The following TMOD3 variants were observed in gnomAD, a reference collection of about 807,000 sequenced individuals.
TMOD3 encodes tropomodulin-3.
A neutral mutation model predicts 39.2 loss-of-function variants in TMOD3; 20 were observed. The ratio of observed to expected loss-of-function variants is 0.51; its 90% confidence interval spans 0.36 to 0.74. The LOEUF (loss-of-function observed/expected upper bound fraction) is 0.74. TMOD3 is among the 30% of genes least tolerant of loss of function. The pLI is 0.00. For synonymous variants in TMOD3, 143 were observed against 145.8 expected (o/e 0.98, Z 0.14); for missense variants, 381 against 412.8 (o/e 0.92, Z 0.67).
chr15:51,899,425 G>T (rs150291574), intron 7 of TMOD3, among the ~76,000 whole-genome samples: 2,341 of 152,284 alleles, frequency 0.015, 85 homozygotes, highest in Admixed American at 0.075. Flanking sequence ...CAGCACTTGG[G>T]GAAGCCGAGG....
chr15:51,908,867 G>A lies in TMOD3; in HGVS notation c.*57G>A. The A allele has an allele frequency of 6.9e-7, 1 of 1,455,254 alleles. No individual in the cohort carries two copies. Among genetic ancestry groups the A allele is most frequent in the Non-Finnish European group, 9.3e-7 (1 of 1,079,416 alleles). 90.1% of individuals were successfully genotyped at this position (1,455,254 alleles called of 1,614,324 possible). A position where few individuals can be genotyped will look rare whatever the true frequency, so the allele number is the denominator to read the frequency against. On this transcript the variant is annotated 3_prime_UTR_variant, in exon 10 of 10. Transcript: ENST00000308580. ...AGAAGATCACCAAGGGCTCATGTTG[G>A]TGACATCATGTAAAATTTTCCTGGG...
chr15:51,841,015 T>TAAA (rs780662276), intron 1 of TMOD3, among the ~76,000 whole-genome samples: 1 of 152,254 alleles, frequency 6.6e-6, no homozygotes, highest in Non-Finnish European at 1.5e-5. Context: ...GTATGGCTTT[T>TAAA]AGGGTCAGGT....
rs927989831 is a variant in TMOD3 at position 51,893,841 on chromosome 15, C to T, written c.523C>T (p.Pro175Ser). 6.2e-7 allele frequency: 1 copy of T among 1,606,802 alleles called. No individual in the cohort carries two copies. Among genetic ancestry groups the T allele is most frequent in the Non-Finnish European group, 8.5e-7 (1 of 1,175,418 alleles). ...TGTGGTCAAAGGTGAAAAGATTCTT[C>T]CGGTATTTGATGAGCCACCAAATCC... is the stretch of plus-strand genomic sequence containing the variant. ...SNVVKGEKILPVFDEPPNPTN... is the reference protein window; with the variant it reads ...SNVVKGEKILSVFDEPPNPTN... Residue 175 changes from proline to serine, a missense_variant, in exon 6 of 10, where the codon CCG (proline) becomes TCG (serine). Pro to Ser is a moderately conservative substitution (Grantham distance 74). Coordinates refer to ENST00000308580, the MANE Select transcript of TMOD3 (RefSeq NM_014547.5).
intron 6 of TMOD3, among the ~76,000 whole-genome samples, chr15:51,894,990 A>C (rs891658321): frequency 6.6e-6 from 1 of 152,210 alleles, no homozygotes; most frequent in Non-Finnish European, 1.5e-5. Flanking sequence ...TTAATTACCA[A>C]AAAGTAAACT....
At chr15:51,837,517 T>C (rs2056292603) in intron 1 of TMOD3, among the ~76,000 whole-genome samples, 1 of 151,932 alleles carries the variant, frequency 6.6e-6, no homozygotes, top group Non-Finnish European at 1.5e-5. Flanking sequence ...GCAATAAATA[T>C]GTGATGATTT....
chr15:51,895,407 A>AAAAAACG (rs201107279), intron 6 of TMOD3, among the ~76,000 whole-genome samples: 1,976 of 152,034 alleles, frequency 0.013, 27 homozygotes, highest in Middle Eastern at 0.024. Context: ...TTTAGTAGAG[A>AAAAAACG]TGGGGTTTCA....
chr15:51,875,562 C>T (rs1418783400), intron 3 of TMOD3, among the ~76,000 whole-genome samples: 1 of 151,430 alleles, frequency 6.6e-6, no homozygotes, highest in Non-Finnish European at 1.5e-5. Context: ...CTGGATAGTT[C>T]CTTTCCTCCA....
intron 2 of TMOD3, among the ~76,000 whole-genome samples, chr15:51,863,786 G>A (rs997749753): frequency 6.6e-6 from 1 of 152,076 alleles, no homozygotes; most frequent in African/African-American, 2.4e-5. Flanking sequence ...TTATAACGTT[G>A]TTGTTACTGG....
At chr15:51,858,353 C>CA (rs1346048781) in intron 1 of TMOD3, 1 of 151,768 alleles carries the variant, frequency 6.6e-6, no homozygotes, top group East Asian at 1.9e-4. Flanking sequence ...TGTGCCTGGC[C>CA]AAACTTGCTA....
rs1390209152 is a variant in TMOD3, at chr15:51,900,265, T to C, written c.846T>C (p.Asn282=). ...CACTGATTGATGCGTTAAGAGATAA[T>C]GAAACCCTGGCAGAGCTCAAGATTG... The part of the protein sequence containing the change: ...ILALIDALRD[N]ETLAELKIDN... The change falls in exon 8 of 10, where the codon AAT becomes AAC. Residue 282 remains asparagine, a synonymous_variant. Coordinates refer to ENST00000308580, the MANE Select transcript of TMOD3 (RefSeq NM_014547.5). 6.2e-7 allele frequency: 1 copy of C among 1,614,198 alleles called. No individual in the cohort carries two copies.
rs1316043769 is a variant in TMOD3 at position 51,913,281 on chromosome 15, T to C, written c.*4471T>C. 2 of 152,250 alleles carry C rather than the reference T, an allele frequency of 1.3e-5. No individual in the cohort carries two copies. The highest frequency in any genetic ancestry group is 1.9e-4 in the East Asian group (1 of 5,206). The allele number at this position is 152,250 out of a possible 1,614,324, so 9.4% of individuals were successfully genotyped here. A position where few individuals can be genotyped will look rare whatever the true frequency, so the allele number is the denominator to read the frequency against. On this transcript the variant is annotated 3_prime_UTR_variant, in exon 10 of 10. Coordinates refer to ENST00000308580, the MANE Select transcript of TMOD3 (RefSeq NM_014547.5). ...GCCACCACACTCAGCCTTATTCTTA[T>C]ATTTTAATTTGGTCATTCTTAGATC...
Position 51,836,674 on chromosome 15 carries a change from G to A in TMOD3, c.-75+6838G>A, listed in dbSNP as rs144605764. Among the ~76,000 whole-genome samples the A allele has an allele frequency of 5.1e-3, 772 of 150,482 alleles. 10 individuals carry two copies. The highest frequency in any genetic ancestry group is 0.018 in the African/African-American group (746 of 40,720). On this transcript the variant is annotated intron_variant, in intron 1 of 9. Coordinates refer to ENST00000308580, the MANE Select transcript of TMOD3 (RefSeq NM_014547.5). ...TGGGAGGTGGAGGTTGCAGTGAGCC[G>A]AGATCATGTCACTGCACTCCAGCCT...
chr15:51,876,421 C>T (rs554688734), intron 3 of TMOD3, among the ~76,000 whole-genome samples: 30 of 151,722 alleles, frequency 2.0e-4, no homozygotes, highest in African/African-American at 7.0e-4. Context: ...ACCTCAGCCC[C>T]CTGAGTACCT....
chr15:51,884,589 T>C (rs1481025460), intron 3 of TMOD3: 1 of 152,186 alleles, frequency 6.6e-6, no homozygotes, highest in Non-Finnish European at 1.5e-5. Context: ...TTACAGCTAA[T>C]TGATCACAGT....
chr15:51,872,027 A>C (rs1566859705), intron 3 of TMOD3, among the ~76,000 whole-genome samples: 1 of 152,190 alleles, frequency 6.6e-6, no homozygotes, highest in African/African-American at 2.4e-5. Context: ...ACTCAAAGAA[A>C]ATGCACAGGT....
chr15:51,886,537 G>A (rs563129563), intron 3 of TMOD3, among the ~76,000 whole-genome samples: 3 of 152,220 alleles, frequency 2.0e-5, no homozygotes, highest in East Asian at 1.9e-4. Flanking sequence ...GTGGCGGTGC[G>A]CGCCCGCATT....
chr15:51,830,663 A>T (rs1352873866), intron 1 of TMOD3, among the ~76,000 whole-genome samples: 1 of 152,154 alleles, frequency 6.6e-6, no homozygotes, highest in Non-Finnish European at 1.5e-5. Context: ...GCCTGTGGAG[A>T]TTTAAGTTAG....
intron 9 of TMOD3, 139 bp downstream of exon 9, chr15:51,902,175 A>G: frequency 1.1e-6 from 1 of 951,932 alleles, no homozygotes; most frequent in Non-Finnish European, 1.5e-6. Context: ...TCCTTTATAT[A>G]CTGATTGAAT....
chr15:51,892,471 G>A (rs1255306768), intron 5 of TMOD3: 1 of 152,242 alleles, frequency 6.6e-6, no homozygotes, highest in South Asian at 2.1e-4. Flanking sequence ...ATATTCCTGT[G>A]TGGGTAGCTG....
Sources: allele counts gnomAD v4.1 joint callset (sites outside exome capture counted in the v4.1 genomes callset), GRCh38; gene constraint gnomAD v4.1.1; transcripts MANE v1.5; gene names NCBI Gene and HGNC (gene_info 2026-07-23, HGNC 2026-07-21).